AGAP1: variants seen among roughly 807,000 people sequenced by gnomAD.
The protein encoded by AGAP1 is arf-GAP with GTPase, ANK repeat and PH domain-containing protein 1.
AGAP1 carries 29 observed loss-of-function variants against 105.3 expected under a neutral mutation model. That is an observed-to-expected ratio of 0.28 (90% CI 0.21 to 0.38). The LOEUF (loss-of-function observed/expected upper bound fraction) is 0.38. Among genes scored for constraint, AGAP1 ranks in the 10% least tolerant of loss-of-function variants. The pLI is 1.00. For missense variants in AGAP1, 998 were observed against 1,165.1 expected, an observed-to-expected ratio of 0.86 and a Z score of 2.09; for synonymous variants, 509 against 485.9, an observed-to-expected ratio of 1.05 and a Z score of -0.63.
intron 1 of AGAP1, among the ~76,000 whole-genome samples, chr2:235,703,816 G>C (rs7601168): frequency 0.076 from 11,589 of 152,020 alleles, 1,445 homozygotes; most frequent in African/African-American, 0.26. Flanking sequence ...AGGCTAGTCT[G>C]GAACTCCTGA....
chr2:235,708,836 C>G (rs1037091833), intron 1 of AGAP1, among the ~76,000 whole-genome samples: 2 of 152,246 alleles, frequency 1.3e-5, no homozygotes, highest in African/African-American at 4.8e-5. Context: ...TATCTCCACA[C>G]TTGCCAACAG....
intron 1 of AGAP1, among the ~76,000 whole-genome samples, chr2:235,543,961 G>C (rs535244988): frequency 6.6e-6 from 1 of 152,124 alleles, no homozygotes. Context: ...TCTCTCTGCC[G>C]CCTGTGCCCA....
At chr2:236,043,808 G>C (rs193136204) in intron 15 of AGAP1, among the ~76,000 whole-genome samples, 2 of 152,222 alleles carry the variant, frequency 1.3e-5, no homozygotes, top group East Asian at 3.9e-4. Context: ...GTATGACAAT[G>C]AGTCTAGATG....
intron 9 of AGAP1, among the ~76,000 whole-genome samples, chr2:235,839,598 C>T (rs547149168): frequency 5.2e-4 from 79 of 152,276 alleles, no homozygotes; most frequent in Non-Finnish European, 2.9e-5. Context: ...AAAAACAAAA[C>T]GTGATGTTGG....
intron 9 of AGAP1, among the ~76,000 whole-genome samples, chr2:235,858,881 C>T (rs1212748011): frequency 6.6e-6 from 1 of 152,162 alleles, no homozygotes; most frequent in Non-Finnish European, 1.5e-5. Flanking sequence ...ACAAATAATA[C>T]CCCTCATAAA....
intron 3 of AGAP1, chr2:235,718,406 T>G: frequency 8.1e-6 from 8 of 985,680 alleles, no homozygotes; most frequent in Non-Finnish European, 9.6e-6. Context: ...ACTATTCATT[T>G]TCTTCATGGC....
intron 16 of AGAP1, among the ~76,000 whole-genome samples, chr2:236,117,154 C>G (rs915573553): frequency 3.4e-4 from 52 of 152,162 alleles, no homozygotes; most frequent in Non-Finnish European, 7.4e-5. Flanking sequence ...GTTCTACTTT[C>G]AGTTCTTTAA....
intron 1 of AGAP1, among the ~76,000 whole-genome samples, chr2:235,518,531 C>T (rs1329375826): frequency 2.0e-5 from 3 of 152,132 alleles, no homozygotes; most frequent in Admixed American, 2.0e-4. Flanking sequence ...AGAGCCAGGG[C>T]GGAAGCTGCA....
intron 3 of AGAP1, among the ~76,000 whole-genome samples, chr2:235,718,656 G>C (rs948758903): frequency 6.6e-6 from 1 of 152,114 alleles, no homozygotes; most frequent in Non-Finnish European, 1.5e-5. Context: ...GGAACCGTTC[G>C]GAGAAGTATA....
At chr2:235,567,007 G>A (rs1254976075) in intron 1 of AGAP1, among the ~76,000 whole-genome samples, 1 of 152,120 alleles carries the variant, frequency 6.6e-6, no homozygotes, top group East Asian at 1.9e-4. Context: ...CTGTTATCAC[G>A]TGCCCTCTTC....
Position 236,040,343 on chromosome 2 carries a change from T to C in AGAP1, c.1801-408T>C, listed in dbSNP as rs1264169452. The stretch of plus-strand genomic sequence containing the variant: ...CATGAGATATGTCTTACATTGCTGA[T>C]GAAGCCCTAACCCTGGGCTTATAAA... On this transcript the variant is annotated intron_variant, in intron 14 of 17. Transcript: ENST00000304032. This position sits in a 1 kb window ranked among gnomAD's most constrained non-coding sequence, Gnocchi z 5.6. Among the ~76,000 whole-genome samples, 5 of 152,196 alleles carry C rather than the reference T, an allele frequency of 3.3e-5. No individual in the cohort carries two copies. The highest frequency in any genetic ancestry group is 1.2e-4 in the African/African-American group (5 of 41,448).
At chr2:236,091,161 C>T (rs1325340840) in intron 16 of AGAP1, among the ~76,000 whole-genome samples, 1 of 152,208 alleles carries the variant, frequency 6.6e-6, no homozygotes, top group African/African-American at 2.4e-5. Context: ...TTTTTATGTC[C>T]AGTGTACTTC....
At position 235,596,559 on chromosome 2, in the gene AGAP1, C is replaced by T. The variant is rs1945531912; in HGVS notation, c.163+101710C>T. On this transcript the variant is annotated intron_variant, in intron 1 of 17. Transcript: ENST00000304032. This position sits in a 1 kb window ranked among gnomAD's most constrained non-coding sequence, Gnocchi z 5.9. ...GGTCCCTGGTCTGGGGAAAGGCAGG[C>T]AGAGTTGGAGAGACCCTTCCCGGGT... Among the ~76,000 whole-genome samples, 1 of 152,182 alleles carries T rather than the reference C, an allele frequency of 6.6e-6. No homozygotes were observed. Among genetic ancestry groups the T allele is most frequent in the Admixed American group, 6.5e-5 (1 of 15,274 alleles).
chr2:235,681,010 C>T (rs370963814), intron 1 of AGAP1, among the ~76,000 whole-genome samples: 2 of 152,044 alleles, frequency 1.3e-5, no homozygotes, highest in African/African-American at 2.4e-5. Context: ...TCTAGCCCCC[C>T]CTCCCCCTTT....
At chr2:235,702,945 T>TTTTTTTTTTTTTTTTTTTTTC (rs1950331806) in intron 1 of AGAP1, among the ~76,000 whole-genome samples, 1 of 145,674 alleles carries the variant, frequency 6.9e-6, no homozygotes, top group Non-Finnish European at 1.5e-5. Flanking sequence ...TTTTTTTTTT[T>TTTTTTTTTTTTTTTTTTTTTC]TGGACAGAGT....
At chr2:235,923,443 G>C (rs1215613848) in intron 11 of AGAP1, among the ~76,000 whole-genome samples, 1 of 152,266 alleles carries the variant, frequency 6.6e-6, no homozygotes. Context: ...CACGTTTACA[G>C]GGGCCGCCAC....
At chr2:235,727,696 C>T (rs79169512) in intron 3 of AGAP1, among the ~76,000 whole-genome samples, 2 of 152,200 alleles carry the variant, frequency 1.3e-5, no homozygotes, top group East Asian at 3.9e-4. Context: ...TCCTCCTCTC[C>T]GCTTCTCCCC....
chr2:235,534,615 T>TA (rs1943150311), intron 1 of AGAP1, among the ~76,000 whole-genome samples: 3 of 152,192 alleles, frequency 2.0e-5, no homozygotes, highest in African/African-American at 7.2e-5. Context: ...TATATACATG[T>TA]TCATGTATAA....
chr2:235,595,698 A>G (rs1340257853), intron 1 of AGAP1, among the ~76,000 whole-genome samples: 2 of 152,224 alleles, frequency 1.3e-5, no homozygotes, highest in Non-Finnish European at 2.9e-5. Flanking sequence ...CGTGCTCACT[A>G]ATAAATCCCC....
Sources: gnomAD v4.1 joint callset for allele counts (sites outside exome capture counted in the v4.1 genomes callset) on GRCh38, gnomAD v4.1.1 for gene constraint, Gnocchi (gnomAD v3.1) non-coding constraint, MANE v1.5 for transcripts, NCBI Gene and HGNC (gene_info 2026-07-23, HGNC 2026-07-21) for gene names.